WDR27: variants seen among roughly 807,000 people sequenced by gnomAD.
WDR27 encodes WD repeat domain 27, also known as WD repeat-containing protein 27.
A neutral mutation model predicts 114.4 loss-of-function variants in WDR27; 100 were observed. That is an observed-to-expected ratio of 0.87 (90% CI 0.74 to 1.03). The LOEUF (loss-of-function observed/expected upper bound fraction) is 1.03, where lower values mean the gene tolerates loss of function less well. Ranked by LOEUF, WDR27 falls within the 50% of genes least tolerant of loss-of-function variation. The probability of loss-of-function intolerance (pLI) is 0.00; values close to 1 mark genes in which losing one functional copy is unlikely to be tolerated. For synonymous variants in WDR27, 449 were observed against 423.1 expected, an observed-to-expected ratio of 1.06 and a Z score of -0.75; for missense variants, 1,129 against 1,092.9, an observed-to-expected ratio of 1.03 and a Z score of -0.47.
chr6:169,694,225 C>G (rs1225746154), intron 1 of WDR27, among the ~76,000 whole-genome samples: 2 of 152,104 alleles, frequency 1.3e-5, no homozygotes, highest in African/African-American at 4.8e-5. Context: ...GGAGTATCAT[C>G]ATTTTAACCT....
chr6:169,480,073 G>A lies in WDR27; in HGVS notation c.2646-22439C>T, dbSNP rs139800681. On this transcript the variant is annotated intron_variant, in intron 25 of 25. Coordinates refer to ENST00000448612, the MANE Select transcript of WDR27 (RefSeq NM_182552.5). ...GGCAGGAACCAGGGCTGTGCATGGC[G>A]CTCGCGGGCCAGCGTGAGTTCCAGG... Among the ~76,000 whole-genome samples the A allele has an allele frequency of 2.6e-3, 400 of 152,288 alleles. 1 individual carries two copies. The highest frequency in any genetic ancestry group is 9.2e-3 in the African/African-American group (382 of 41,556).
At chr6:169,626,851 G>A (rs1480660131) in intron 21 of WDR27, among the ~76,000 whole-genome samples, 2 of 152,208 alleles carry the variant, frequency 1.3e-5, no homozygotes, top group East Asian at 1.9e-4. Flanking sequence ...GAAGTCTCCC[G>A]GCGGACTGGG....
intron 25 of WDR27, among the ~76,000 whole-genome samples, chr6:169,553,195 G>A (rs902161810): frequency 1.3e-5 from 2 of 151,938 alleles, no homozygotes; most frequent in African/African-American, 2.4e-5. Context: ...CTCAGGGAAT[G>A]TTTTCAGGCA....
intron 21 of WDR27, among the ~76,000 whole-genome samples, chr6:169,620,303 C>T (rs943460345): frequency 6.6e-6 from 1 of 152,160 alleles, no homozygotes; most frequent in Non-Finnish European, 1.5e-5. Context: ...CCATTCTATT[C>T]CTAAGTAAGA....
chr6:169,593,754 C>G (rs1336517481), intron 23 of WDR27, among the ~76,000 whole-genome samples: 1 of 152,082 alleles, frequency 6.6e-6, no homozygotes, highest in Non-Finnish European at 1.5e-5. Flanking sequence ...GAGGCTGAGG[C>G]AGGAGAACCT....
At chr6:169,679,620 C>T (rs558936511) in intron 2 of WDR27, among the ~76,000 whole-genome samples, 1 of 152,304 alleles carries the variant, frequency 6.6e-6, no homozygotes, top group South Asian at 2.1e-4. Flanking sequence ...CTCCTGACCA[C>T]TTGTTCCTGT....
At chr6:169,620,558 T>A (rs1377958780) in intron 21 of WDR27, among the ~76,000 whole-genome samples, 1 of 152,218 alleles carries the variant, frequency 6.6e-6, no homozygotes, top group Non-Finnish European at 1.5e-5. Context: ...TTGCCTCTTA[T>A]CTACTCATGA....
intron 15 of WDR27, among the ~76,000 whole-genome samples, chr6:169,648,922 C>T (rs1388559075): frequency 6.6e-6 from 1 of 152,246 alleles, no homozygotes; most frequent in African/African-American, 2.4e-5. Context: ...CAGGGAGGAG[C>T]ATCGGCTACG....
At chr6:169,443,249 A>G in the WDR27 span, among the ~76,000 whole-genome samples, 1 of 152,222 alleles carries the variant, frequency 6.6e-6, no homozygotes, top group Non-Finnish European at 1.5e-5. Flanking sequence ...ACCCAAGCTC[A>G]GCAGGACCCT....
At chr6:169,620,888 C>T (rs1443514378) in intron 21 of WDR27, among the ~76,000 whole-genome samples, 1 of 152,228 alleles carries the variant, frequency 6.6e-6, no homozygotes, top group Non-Finnish European at 1.5e-5. Flanking sequence ...TCCTCCTGCA[C>T]TCTGCTCCTC....
chr6:169,659,420 T>C lies in WDR27; in HGVS notation c.1197+31A>G, dbSNP rs756877388. On this transcript the variant is annotated intron_variant, in intron 11 of 25. Transcript: ENST00000448612. This position sits in a 1 kb window ranked among gnomAD's most constrained non-coding sequence, Gnocchi z 4.3. ...AAGAAGAAATCAGAGGCACGTCTCA[T>C]AGACAGGGAGGGCCGCGTCTCAGGA... 5.6e-6 allele frequency: 9 copies of C among 1,601,578 alleles called. No homozygotes were observed. The highest frequency in any genetic ancestry group is 1.7e-4 in the Middle Eastern group (1 of 6,044).
intron 2 of WDR27, 57 bp downstream of exon 2, chr6:169,688,760 A>T: frequency 7.1e-7 from 1 of 1,411,640 alleles, no homozygotes; most frequent in Non-Finnish European, 9.5e-7. Flanking sequence ...AGCATCAAAG[A>T]CATGGAGAGA....
In WDR27 at chr6:169,659,595, C is replaced by A; in HGVS notation, c.1130-77G>T. On this transcript the variant is annotated intron_variant, in intron 10 of 25. Coordinates refer to ENST00000448612, the MANE Select transcript of WDR27 (RefSeq NM_182552.5). The surrounding 1 kb of genome is among the most constrained non-coding windows in gnomAD (Gnocchi z 4.3). ...TACACACGGAGTCACTGCCCAGAGC[C>A]CACCACACACAGCCCAGAGCCCACC... The A allele has an allele frequency of 7.2e-7, 1 of 1,386,030 alleles. No individual in the cohort carries two copies. 85.9% of individuals were successfully genotyped at this position (1,386,030 alleles called of 1,614,324 possible).
intron 25 of WDR27, among the ~76,000 whole-genome samples, chr6:169,529,424 AAAGT>A (rs1410751408): frequency 5.3e-5 from 8 of 152,298 alleles, no homozygotes; most frequent in African/African-American, 1.9e-4. Context: ...GTTTCTTTAA[AAAGT>A]AAGAAAACGT....
chr6:169,450,792 G>C, the WDR27 span, among the ~76,000 whole-genome samples: 1 of 152,148 alleles, frequency 6.6e-6, no homozygotes, highest in Admixed American at 6.5e-5. Flanking sequence ...GCGTGTCTCT[G>C]CTAGGATCAG....
intron 25 of WDR27, among the ~76,000 whole-genome samples, chr6:169,488,259 G>A (rs775084062): frequency 6.6e-6 from 1 of 152,218 alleles, no homozygotes; most frequent in African/African-American, 2.4e-5. Flanking sequence ...CGTGGTTGCC[G>A]CTGTTGCTGG....
intron 22 of WDR27, among the ~76,000 whole-genome samples, chr6:169,607,896 A>G (rs887224596): frequency 5.9e-5 from 9 of 152,066 alleles, no homozygotes; most frequent in African/African-American, 2.2e-4. Context: ...CCGGGGATAC[A>G]TTCCAAGAAA....
At chr6:169,561,663 G>A (rs1270259010) in intron 25 of WDR27, among the ~76,000 whole-genome samples, 3 of 151,860 alleles carry the variant, frequency 2.0e-5, no homozygotes, top group Non-Finnish European at 4.4e-5. Flanking sequence ...ACAAAGATCA[G>A]AAGGAGCAAA....
chr6:169,618,284 A>G (rs774790821), intron 21 of WDR27, among the ~76,000 whole-genome samples: 2 of 152,212 alleles, frequency 1.3e-5, no homozygotes, highest in Non-Finnish European at 2.9e-5. Flanking sequence ...GCTGTCTAGT[A>G]TTATGTATTT....
Sources: gnomAD v4.1 joint callset for allele counts (sites outside exome capture counted in the v4.1 genomes callset) on GRCh38, gnomAD v4.1.1 for gene constraint, Gnocchi (gnomAD v3.1) non-coding constraint, MANE v1.5 for transcripts, NCBI Gene and HGNC (gene_info 2026-07-23, HGNC 2026-07-21) for gene names.